The following COL22A1 variants were observed in gnomAD, a reference collection of about 807,000 sequenced individuals.
COL22A1 encodes collagen type XXII alpha 1 chain.
A neutral mutation model predicts 248.9 loss-of-function variants in COL22A1; 221 were observed. That is an observed-to-expected ratio of 0.89 (90% CI 0.80 to 0.99). The LOEUF is 0.99. Ranked by LOEUF, COL22A1 falls within the 50% of genes least tolerant of loss-of-function variation. COL22A1 has a pLI of 0.00. For synonymous variants in COL22A1, 891 were observed against 793.4 expected, an observed-to-expected ratio of 1.12 and a Z score of -2.07; for missense variants, 2,240 against 2,179.0, an observed-to-expected ratio of 1.03 and a Z score of -0.56.
intron 1 of COL22A1, among the ~76,000 whole-genome samples, chr8:138,902,766 AC>A (rs1369837724): frequency 6.6e-6 from 1 of 150,612 alleles, no homozygotes; most frequent in African/African-American, 2.4e-5. Context: ...ACACACACAC[AC>A]ACACACACAC....
Position 138,878,076 on chromosome 8 carries a change from T to C in COL22A1, c.332A>G (p.His111Arg), listed in dbSNP as rs1013316004. Reference protein sequence around the residue: ...VKAAARRLAYHGGNTNTGDAL... With the variant: ...VKAAARRLAYRGGNTNTGDAL... ...GTCTCCCGTGTTGGTGTTGCCCCCG[T>C]GGTAGGCGAGACGCCGGGCAGCCGC... Residue 111 changes from histidine to arginine, a missense_variant, in exon 3 of 65, where the codon CAC becomes CGC. Coordinates refer to ENST00000303045, the MANE Select transcript of COL22A1 (RefSeq NM_152888.3). 8.8e-6 allele frequency: 14 copies of C among 1,598,556 alleles called. No individual in the cohort carries two copies. Among genetic ancestry groups the C allele is most frequent in the Non-Finnish European group, 1.2e-5 (14 of 1,173,548 alleles).
intron 17 of COL22A1, among the ~76,000 whole-genome samples, chr8:138,761,141 C>T (rs1023144437): frequency 3.3e-5 from 5 of 152,182 alleles, no homozygotes; most frequent in Admixed American, 2.0e-4. Flanking sequence ...CTGAGACCCT[C>T]GCCGGCCAGC....
intron 23 of COL22A1, among the ~76,000 whole-genome samples, chr8:138,736,772 G>A (rs956086300): frequency 2.0e-5 from 3 of 152,076 alleles, no homozygotes; most frequent in African/African-American, 4.8e-5. Context: ...TCCAGGGAGC[G>A]AGAACAGCAC....
chr8:138,822,892 A>G (rs966812534), intron 6 of COL22A1, among the ~76,000 whole-genome samples: 1 of 152,116 alleles, frequency 6.6e-6, no homozygotes, highest in African/African-American at 2.4e-5. Context: ...CTGCCTATCC[A>G]GGCCCAGGTG....
chr8:138,700,052 C>G (rs982790557), intron 32 of COL22A1, 60 bp downstream of exon 32: 3 of 1,541,950 alleles, frequency 1.9e-6, no homozygotes, highest in Non-Finnish European at 2.7e-6. Context: ...CCAGGCCACA[C>G]TGGACATTGC....
chr8:138,702,442 T>C (rs892966631), intron 31 of COL22A1, among the ~76,000 whole-genome samples: 1 of 152,132 alleles, frequency 6.6e-6, no homozygotes, highest in African/African-American at 2.4e-5. Flanking sequence ...AAATGGGATT[T>C]CTGAGTGCAC....
chr8:138,716,241 C>T lies in COL22A1; in HGVS notation c.2449G>A (p.Glu817Lys), dbSNP rs926861711. The stretch of plus-strand genomic sequence containing the variant: ...GCCACACTTACCTGGTCTCCTTTCT[C>T]TCCTCTCACACCTGGGAAGCCTGGA... ...GAPGFPGVRG[E>K]KGDQGEKGEL... Residue 817 changes from glutamate to lysine, a missense_variant, in exon 29 of 65, where the codon GAG (glutamate) becomes AAG (lysine). Physicochemically the swap from Glu to Lys is moderately conservative, Grantham distance 56. Transcript: ENST00000303045. 6.9e-6 allele frequency: 11 copies of T among 1,588,862 alleles called. No homozygotes were observed. In the East Asian group the frequency reaches 2.3e-4, roughly 33 times the overall value.
chr8:138,617,075 T>TAGG (rs1242196127), intron 53 of COL22A1, 117 bp from the exon 54 acceptor site: 11 of 1,035,010 alleles, frequency 1.1e-5, no homozygotes, highest in Non-Finnish European at 1.6e-5. Flanking sequence ...CTTTACCATT[T>TAGG]GCAGGATACT....
Position 138,591,587 on chromosome 8 carries a change from G to C in COL22A1, c.4616-86C>G, listed in dbSNP as rs998636004. ...GTCCCACCTTGCGGGAGGTGCAGGG[G>C]CAGCACTGGGCTGCTGTGGCATTCC... On this transcript the variant is annotated intron_variant, in intron 63 of 64. Transcript: ENST00000303045. 3 of 1,011,240 alleles carry C rather than the reference G, an allele frequency of 3.0e-6. No individual in the cohort carries two copies. In the African/African-American group the frequency reaches 5.0e-5, roughly 17 times the overall value. 62.6% of individuals were successfully genotyped at this position (1,011,240 alleles called of 1,614,324 possible).
chr8:138,722,059 G>C lies in COL22A1; in HGVS notation c.2278C>G (p.Pro760Ala). ...GPPGKDGPNG[P>A]PGPPGTKGEP... Reference sequence around the variant, plus strand: ...ACCTTGGTTCCTGGCGGACCTGGTGGTCCATTTGGCCCGTCCTTTCCAGGG... The same window carrying C: ...ACCTTGGTTCCTGGCGGACCTGGTGCTCCATTTGGCCCGTCCTTTCCAGGG... Residue 760 changes from proline (P) to alanine (A), a missense_variant, in exon 26 of 65, where the codon CCA (proline) becomes GCA (alanine). By Grantham distance (27) the Pro-to-Ala change is conservative. Transcript: ENST00000303045. 1.3e-6 allele frequency: 2 copies of C among 1,582,316 alleles called. No homozygotes were observed. Among genetic ancestry groups the C allele is most frequent in the Non-Finnish European group, 1.7e-6 (2 of 1,162,242 alleles).
At chr8:138,707,359 C>T (rs1828554303) in intron 30 of COL22A1, among the ~76,000 whole-genome samples, 1 of 152,122 alleles carries the variant, frequency 6.6e-6, no homozygotes, top group Non-Finnish European at 1.5e-5. Context: ...GACCAATATC[C>T]CTGATGAACA....
intron 41 of COL22A1, among the ~76,000 whole-genome samples, chr8:138,667,818 C>T (rs1406006717): frequency 6.6e-6 from 1 of 152,108 alleles, no homozygotes; most frequent in Non-Finnish European, 1.5e-5. Context: ...AGAGGCTCCA[C>T]CAGACATCAT....
chr8:138,654,556 G>C (rs1823050409), intron 45 of COL22A1, among the ~76,000 whole-genome samples: 1 of 152,118 alleles, frequency 6.6e-6, no homozygotes, highest in Non-Finnish European at 1.5e-5. Flanking sequence ...GGAAGGAAGG[G>C]ACCAGTCACA....
chr8:138,721,524 T>A (rs1275069898), intron 26 of COL22A1, among the ~76,000 whole-genome samples: 1 of 152,228 alleles, frequency 6.6e-6, no homozygotes, highest in African/African-American at 2.4e-5. Context: ...TCTCTTATTA[T>A]GTTAGTAAGA....
chr8:138,608,100 C>A, intron 56 of COL22A1, 111 bp from the exon 57 acceptor site: 2 of 892,008 alleles, frequency 2.2e-6, no homozygotes, highest in East Asian at 2.6e-5. Flanking sequence ...ATCTGTTACT[C>A]TAGCCAGTGT....
chr8:138,821,304 G>C lies in COL22A1; in HGVS notation c.1077C>G (p.Leu359=), dbSNP rs34997687. The part of the protein sequence containing the change: ...VVFRGSRVND[L]FDRDWHKMAL... ...CCATCTTGTGCCAGTCCCGGTCAAA[G>C]AGGTCATTGACCCGAGAACCTCGGA... Residue 359 remains leucine, a synonymous_variant, in exon 7 of 65, where the codon CTC becomes CTG. Coordinates refer to ENST00000303045, the MANE Select transcript of COL22A1 (RefSeq NM_152888.3). 2 of 1,614,094 alleles carry C rather than the reference G, an allele frequency of 1.2e-6. No homozygotes were observed. Among genetic ancestry groups the C allele is most frequent in the African/African-American group, 2.7e-5 (2 of 74,940 alleles).
chr8:138,658,910 T>G (rs1037619794), intron 44 of COL22A1, among the ~76,000 whole-genome samples: 1 of 150,120 alleles, frequency 6.7e-6, no homozygotes, highest in East Asian at 1.9e-4. Context: ...TCTCTCTCTC[T>G]CCCCTCAGCT....
intron 49 of COL22A1, among the ~76,000 whole-genome samples, chr8:138,634,169 T>C (rs758597961): frequency 6.6e-6 from 1 of 152,212 alleles, no homozygotes; most frequent in African/African-American, 2.4e-5. Flanking sequence ...AGAAGTTGAG[T>C]TGTTTAAAAA....
intron 7 of COL22A1, among the ~76,000 whole-genome samples, chr8:138,818,333 T>G (rs1031536650): frequency 6.6e-6 from 1 of 152,156 alleles, no homozygotes; most frequent in Non-Finnish European, 1.5e-5. Flanking sequence ...TACTTTTCAG[T>G]TGGAATCTCC....
Sources: gnomAD v4.1 joint callset for allele counts (sites outside exome capture counted in the v4.1 genomes callset) on GRCh38, gnomAD v4.1.1 for gene constraint, MANE v1.5 for transcripts, NCBI Gene and HGNC (gene_info 2026-07-23, HGNC 2026-07-21) for gene names.